The following DDX60L variants were observed in gnomAD, a reference collection of about 807,000 sequenced individuals.
DDX60L encodes DExD/H-box 60 like, also known as probable ATP-dependent RNA helicase DDX60-like.
DDX60L carries 191 observed loss-of-function variants against 211.6 expected under a neutral mutation model. The observed-to-expected ratio is 0.90, with a 90% CI of 0.80 to 1.02. DDX60L has a LOEUF of 1.02. Ranked by LOEUF, DDX60L falls within the 50% of genes least tolerant of loss-of-function variation. The pLI, the probability that DDX60L is intolerant of heterozygous loss-of-function variation, is 0.00. For missense variants in DDX60L, 2,007 were observed against 1,984.1 expected, an observed-to-expected ratio of 1.01 and a Z score of -0.22; for synonymous variants, 706 against 694.1, an observed-to-expected ratio of 1.02 and a Z score of -0.27.
At chr4:168,480,001 A>AAAAAAAG (rs199636956) in intron 1 of DDX60L, among the ~76,000 whole-genome samples, 1 of 140,386 alleles carries the variant, frequency 7.1e-6, no homozygotes, top group Non-Finnish European at 1.5e-5. Context: ...AAAAAAAAAA[A>AAAAAAAG]AGCTTAAATA....
intron 30 of DDX60L, among the ~76,000 whole-genome samples, chr4:168,382,068 G>A (rs1220815950): frequency 6.6e-6 from 1 of 152,090 alleles, no homozygotes; most frequent in Non-Finnish European, 1.5e-5. Flanking sequence ...TTGGCAAGTG[G>A]AATCTGACGT....
chr4:168,451,396 G>A (rs756865148), intron 8 of DDX60L, among the ~76,000 whole-genome samples: 21 of 152,114 alleles, frequency 1.4e-4, no homozygotes, highest in South Asian at 4.1e-4. Flanking sequence ...TTCTTCTTTC[G>A]GTGGCAGCAT....
rs1322724645 is a variant in DDX60L at position 168,399,841 on chromosome 4, A to G, written c.3491+985T>C. 2.0e-5 allele frequency among the ~76,000 whole-genome samples: 3 copies of G among 152,206 alleles called. No individual in the cohort carries two copies. The East Asian group carries it at 5.8e-4, about 29-fold the overall frequency. Reference sequence around the variant, plus strand: ...TACGATTGGTATGGCAATTCATTCTATAGGCCATTCTTTTGTTTTTAAGTT... The same window carrying G: ...TACGATTGGTATGGCAATTCATTCTGTAGGCCATTCTTTTGTTTTTAAGTT... On this transcript the variant is annotated intron_variant, in intron 26 of 37. Transcript: ENST00000682922.
intron 5 of DDX60L, among the ~76,000 whole-genome samples, chr4:168,458,917 G>A (rs981162403): frequency 1.3e-5 from 2 of 152,138 alleles, no homozygotes; most frequent in Non-Finnish European, 2.9e-5. Context: ...CTTAAGCTCT[G>A]ATAAACATGC....
Position 168,472,480 on chromosome 4 carries a change from T to C in DDX60L, c.49A>G (p.Ile17Val). 1 of 1,571,464 alleles carries C rather than the reference T, an allele frequency of 6.4e-7. No individual in the cohort carries two copies. The highest frequency in any genetic ancestry group is 8.6e-7 in the Non-Finnish European group (1 of 1,156,874). ...AVFFREMTQL[I>V]LNEMPKAGYS... ...CCAGCTTTTGGCATTTCATTCAAAATTAACTGTGTCATTTCCCTGAAAAAT... is the reference window on the plus strand; with the variant it reads ...CCAGCTTTTGGCATTTCATTCAAAACTAACTGTGTCATTTCCCTGAAAAAT... The change falls in exon 3 of 38, where the codon ATT becomes GTT. Residue 17 changes from isoleucine to valine, a missense_variant. Transcript: ENST00000682922.
intron 15 of DDX60L, among the ~76,000 whole-genome samples, chr4:168,423,353 T>A (rs1750953882): frequency 6.6e-6 from 1 of 152,184 alleles, no homozygotes. Context: ...TAAAGTGGCA[T>A]CTGGATATCA....
intron 7 of DDX60L, among the ~76,000 whole-genome samples, chr4:168,454,226 T>C (rs868564124): frequency 4.6e-5 from 7 of 152,216 alleles, no homozygotes; most frequent in Non-Finnish European, 1.0e-4. Context: ...CTGTTTATCT[T>C]CAAAATTTAA....
At chr4:168,421,212 C>T (rs1984913) in intron 17 of DDX60L, among the ~76,000 whole-genome samples, 90,380 of 151,918 alleles carry the variant, frequency 0.59, 27,832 homozygotes, top group African/African-American at 0.77. Context: ...GAAAGGGAAA[C>T]AACTTAAAAT....
intron 17 of DDX60L, among the ~76,000 whole-genome samples, chr4:168,421,407 C>T (rs972646675): frequency 6.6e-6 from 1 of 152,144 alleles, no homozygotes; most frequent in Non-Finnish European, 1.5e-5. Context: ...CGCCTGTAAT[C>T]CCAACACTTC....
intron 10 of DDX60L, among the ~76,000 whole-genome samples, chr4:168,435,345 A>G (rs150102384): frequency 1.2e-3 from 188 of 152,302 alleles, no homozygotes; most frequent in Admixed American, 4.4e-3. Flanking sequence ...CAAAAGTAAT[A>G]CTGCATTCCT....
intron 4 of DDX60L, among the ~76,000 whole-genome samples, chr4:168,468,192 A>ATAAATAAATAAATAAG (rs1554022757): frequency 6.6e-6 from 1 of 151,786 alleles, no homozygotes; most frequent in Non-Finnish European, 1.5e-5. Context: ...AAATAAATAA[A>ATAAATAAATAAATAAG]CAAGTAAAAT....
At chr4:168,383,472 G>GT (rs1347974517) in intron 30 of DDX60L, among the ~76,000 whole-genome samples, 1 of 152,188 alleles carries the variant, frequency 6.6e-6, no homozygotes, top group African/African-American at 2.4e-5. Flanking sequence ...CTGATACAAA[G>GT]TTTTTTGACA....
intron 23 of DDX60L, 30 bp downstream of exon 23, chr4:168,406,572 A>T (rs767297525): frequency 2.0e-6 from 3 of 1,498,618 alleles, no homozygotes; most frequent in Non-Finnish European, 2.7e-6. Context: ...ACTAAAGTTC[A>T]TTTTGGTGAA....
At chr4:168,426,306 G>C (rs961380463) in intron 14 of DDX60L, among the ~76,000 whole-genome samples, 2 of 152,164 alleles carry the variant, frequency 1.3e-5, no homozygotes, top group African/African-American at 4.8e-5. Flanking sequence ...GAAACAAAAG[G>C]CTTTATTATC....
At chr4:168,451,924 C>A (rs951175275) in intron 8 of DDX60L, among the ~76,000 whole-genome samples, 6 of 152,194 alleles carry the variant, frequency 3.9e-5, no homozygotes, top group Non-Finnish European at 7.3e-5. Context: ...GACCATGAGT[C>A]ATTTCACTTG....
chr4:168,455,722 T>G (rs1446516420), intron 7 of DDX60L, among the ~76,000 whole-genome samples: 1 of 152,146 alleles, frequency 6.6e-6, no homozygotes, highest in Non-Finnish European at 1.5e-5. Flanking sequence ...ACTTTCTCTG[T>G]TTTTTAGAAG....
In DDX60L at chr4:168,404,036, G is replaced by A; in HGVS notation, c.3284C>T (p.Pro1095Leu). The A allele has an allele frequency of 6.7e-7, 1 of 1,494,728 alleles. No individual in the cohort carries two copies. Among genetic ancestry groups the A allele is most frequent in the Admixed American group, 2.0e-5 (1 of 49,136 alleles). 92.6% of individuals were successfully genotyped at this position (1,494,728 alleles called of 1,614,324 possible). Reference sequence around the variant, plus strand: ...TTGTCTTAACTTTTCAACAAGAAGAGGAAACATTTTCACCATATCTTTTGA... The same window carrying A: ...TTGTCTTAACTTTTCAACAAGAAGAAGAAACATTTTCACCATATCTTTTGA... Reference protein sequence around the residue: ...SSSKDMVKMFPLLVEKLRQMD... With the variant: ...SSSKDMVKMFLLLVEKLRQMD... Residue 1095 changes from proline (P) to leucine (L), a missense_variant, in exon 25 of 38, where the codon CCT becomes CTT. By Grantham distance (98) the Pro-to-Leu change is moderately conservative. Transcript: ENST00000682922.
chr4:168,472,425 G>A (rs771511911), intron 3 of DDX60L, 30 bp downstream of exon 3: 10 of 1,465,894 alleles, frequency 6.8e-6, no homozygotes, highest in Non-Finnish European at 8.4e-6. Context: ...CAATAGTATA[G>A]CTCCTTCTTT....
chr4:168,471,590 T>C (rs946612893), intron 4 of DDX60L, 157 bp downstream of exon 4: 3 of 535,880 alleles, frequency 5.6e-6, no homozygotes, highest in Admixed American at 7.7e-5. Context: ...TGGTTATCTC[T>C]GAGTAGTGAA....
Sources: gnomAD v4.1 joint callset for allele counts (sites outside exome capture counted in the v4.1 genomes callset) on GRCh38, gnomAD v4.1.1 for gene constraint, MANE v1.5 for transcripts, NCBI Gene and HGNC (gene_info 2026-07-23, HGNC 2026-07-21) for gene names.